The following SOCS4 variants were observed in gnomAD, a reference collection of about 807,000 sequenced individuals.
SOCS4 encodes the protein suppressor of cytokine signaling 4.
A neutral mutation model predicts 34.1 loss-of-function variants in SOCS4; 20 were observed. That is an observed-to-expected ratio of 0.59 (90% CI 0.41 to 0.85). The LOEUF is 0.85. SOCS4 is among the 40% of genes least tolerant of loss of function. The pLI, the probability that SOCS4 is intolerant of heterozygous loss-of-function variation, is 0.00. For missense variants in SOCS4, 479 were observed against 532.4 expected (o/e 0.90, Z 0.99); for synonymous variants, 180 against 186.4 (o/e 0.97, Z 0.28).
chr14:55,028,856 A>G (rs1432250233), intron 1 of SOCS4, among the ~76,000 whole-genome samples: 1 of 152,196 alleles, frequency 6.6e-6, no homozygotes, highest in Non-Finnish European at 1.5e-5. Flanking sequence ...TTTACTGAAA[A>G]TCGAATTCCT....
rs921553987 is a variant in SOCS4 at position 55,047,883 on chromosome 14, C to T, written c.*3519C>T. 2.4e-5 allele frequency: 4 copies of T among 167,206 alleles called. No individual in the cohort carries two copies. Among genetic ancestry groups the T allele is most frequent in the South Asian group, 4.1e-4 (2 of 4,832 alleles). The allele number at this position is 167,206 out of a possible 1,614,324, so 10.4% of individuals were successfully genotyped here. A position where few individuals can be genotyped will look rare whatever the true frequency, so the allele number is the denominator to read the frequency against. Reference sequence around the variant, plus strand: ...AAGTTTGGATCATTTTATAGATCCACGCAATAGAGAGCTTCCTTCCTATGA... The same window carrying T: ...AAGTTTGGATCATTTTATAGATCCATGCAATAGAGAGCTTCCTTCCTATGA... On this transcript the variant is annotated 3_prime_UTR_variant, in exon 3 of 3. Coordinates refer to ENST00000555846, the MANE Select transcript of SOCS4 (RefSeq NM_199421.2).
intron 2 of SOCS4, among the ~76,000 whole-genome samples, chr14:55,039,280 T>A (rs1052036183): frequency 6.6e-6 from 1 of 151,862 alleles, no homozygotes; most frequent in Non-Finnish European, 1.5e-5. Context: ...TACAAAAAAA[T>A]TTTAAAAATT....
intron 2 of SOCS4, among the ~76,000 whole-genome samples, chr14:55,037,964 T>A (rs551247686): frequency 7.2e-4 from 109 of 152,334 alleles, no homozygotes; most frequent in African/African-American, 2.5e-3. Flanking sequence ...CTTATATTAG[T>A]CTGTTCTCAT....
intron 1 of SOCS4, among the ~76,000 whole-genome samples, chr14:55,030,660 A>G (rs1037531200): frequency 1.3e-5 from 2 of 152,176 alleles, no homozygotes; most frequent in African/African-American, 4.8e-5. Flanking sequence ...TGTTGTTTTC[A>G]TACCTTTTAC....
In SOCS4 at chr14:55,045,943, T is replaced by C. The variant is rs1370422973; in HGVS notation, c.*1579T>C. On this transcript the variant is annotated 3_prime_UTR_variant, in exon 3 of 3. Transcript: ENST00000555846. The stretch of plus-strand genomic sequence containing the variant: ...TCTTGCAGTTCTGTTAACATGAAAA[T>C]GGCATTTTTCCATAATAGCTTTAAA... The C allele has an allele frequency of 6.0e-6, 1 of 166,918 alleles. No homozygotes were observed. The highest frequency in any genetic ancestry group is 2.4e-5 in the African/African-American group (1 of 41,456). 10.3% of individuals were successfully genotyped at this position (166,918 alleles called of 1,614,324 possible). A position where few individuals can be genotyped will look rare whatever the true frequency, so the allele number is the denominator to read the frequency against.
chr14:55,043,929 C>T lies in SOCS4; in HGVS notation c.888C>T (p.Ala296=), dbSNP rs775035719. The T allele has an allele frequency of 4.0e-5, 64 of 1,613,962 alleles. No individual in the cohort carries two copies. The highest frequency in any genetic ancestry group is 2.9e-4 in the South Asian group (26 of 91,082). ...CYWGVMDKYA[A]EALLEGKPEG... ...GGGGAGTGATGGATAAATACGCAGCCGAAGCACTACTGGAAGGAAAACCAG... is the reference window on the plus strand; with the variant it reads ...GGGGAGTGATGGATAAATACGCAGCTGAAGCACTACTGGAAGGAAAACCAG... The change falls in exon 3 of 3, where the codon GCC becomes GCT. Residue 296 remains alanine, a synonymous_variant. Transcript: ENST00000555846.
In SOCS4 at chr14:55,043,189, G is replaced by A; in HGVS notation, c.148G>A (p.Glu50Lys). 1 of 1,614,242 alleles carries A rather than the reference G, an allele frequency of 6.2e-7. No individual in the cohort carries two copies. The highest frequency in any genetic ancestry group is 8.5e-7 in the Non-Finnish European group (1 of 1,180,046). ...SKKSESYSDA[E>K]TVNGIEKTEV... ...AAAGAGTGAGAGTTATTCAGATGCT[G>A]AGACAGTGAATGGTATAGAGAAAAC... Residue 50 changes from glutamate to lysine, a missense_variant, in exon 3 of 3, where the codon GAG (glutamate) becomes AAG (lysine). Physicochemically the swap from Glu to Lys is moderately conservative, Grantham distance 56 (BLOSUM62 1). Coordinates refer to ENST00000555846, the MANE Select transcript of SOCS4 (RefSeq NM_199421.2).
At chr14:55,037,743 C>T (rs1407317198) in intron 2 of SOCS4, among the ~76,000 whole-genome samples, 1 of 151,668 alleles carries the variant, frequency 6.6e-6, no homozygotes, top group African/African-American at 2.4e-5. Flanking sequence ...ATCCTCCCGC[C>T]TCGGCCTCCC....
rs1178467997 is a variant in SOCS4 at position 55,045,547 on chromosome 14, A to T, written c.*1183A>T. 6.0e-6 allele frequency: 1 copy of T among 166,962 alleles called. No individual in the cohort carries two copies. The highest frequency in any genetic ancestry group is 1.5e-5 in the Non-Finnish European group (1 of 68,044). The allele number at this position is 166,962 out of a possible 1,614,324, so 10.3% of individuals were successfully genotyped here. A position where few individuals can be genotyped will look rare whatever the true frequency, so the allele number is the denominator to read the frequency against. On this transcript the variant is annotated 3_prime_UTR_variant, in exon 3 of 3. Transcript: ENST00000555846. ...AAGAAAGCCTTTTGACAGCTACATG[A>T]CTTACACCATACAGAACAGTACTGG...
In SOCS4 at chr14:55,043,103, G is replaced by A. The variant is rs779813962; in HGVS notation, c.62G>A (p.Ser21Asn). Reference protein sequence around the residue: ...NVDVRPKTSRSRSADRKDGYV... With the variant: ...NVDVRPKTSRNRSADRKDGYV... ...GATGTAAGGCCCAAAACTAGTCGGAGCAGAAGTGCCGACAGAAAAGACGGT... is the reference window on the plus strand; with the variant it reads ...GATGTAAGGCCCAAAACTAGTCGGAACAGAAGTGCCGACAGAAAAGACGGT... Residue 21 changes from serine (S) to asparagine (N), a missense_variant, in exon 3 of 3, where the codon AGC becomes AAC. By Grantham distance (46) the Ser-to-Asn change is conservative. Transcript: ENST00000555846. 1.9e-6 allele frequency: 3 copies of A among 1,613,960 alleles called. No individual in the cohort carries two copies. The highest frequency in any genetic ancestry group is 3.3e-5 in the Admixed American group (2 of 60,012).
chr14:55,040,654 G>A (rs1327905424), intron 2 of SOCS4, among the ~76,000 whole-genome samples: 1 of 151,916 alleles, frequency 6.6e-6, no homozygotes, highest in Non-Finnish European at 1.5e-5. Flanking sequence ...TGAGGCAGGA[G>A]AATGGCATGT....
intron 2 of SOCS4, among the ~76,000 whole-genome samples, chr14:55,032,715 C>G (rs1303533559): frequency 6.6e-6 from 1 of 152,160 alleles, no homozygotes; most frequent in African/African-American, 2.4e-5. Flanking sequence ...ATCTTTCAAA[C>G]CATCATCTTT....
chr14:55,044,459 G>A lies in SOCS4; in HGVS notation c.*95G>A. 1 of 943,680 alleles carries A rather than the reference G, an allele frequency of 1.1e-6. No homozygotes were observed. 58.5% of individuals were successfully genotyped at this position (943,680 alleles called of 1,614,324 possible). ...CACTTTGGATTTTTCTACAAAGGCA[G>A]TGGTGTCCAAAATAAAATCTCTGCC... On this transcript the variant is annotated 3_prime_UTR_variant, in exon 3 of 3. Coordinates refer to ENST00000555846, the MANE Select transcript of SOCS4 (RefSeq NM_199421.2).
Position 55,044,229 on chromosome 14 carries a change from T to C in SOCS4, c.1188T>C (p.Val396=). 6.2e-7 allele frequency: 1 copy of C among 1,614,088 alleles called. No homozygotes were observed. The change falls in exon 3 of 3, where the codon GTT becomes GTC. Residue 396 remains valine, a synonymous_variant. Coordinates refer to ENST00000555846, the MANE Select transcript of SOCS4 (RefSeq NM_199421.2). The part of the protein sequence containing the change: ...PFSLQHICRT[V]ICNCTTYDGI... Reference sequence around the variant, plus strand: ...CCCTGCAGCATATATGCAGAACAGTTATTTGTAACTGTACAACTTATGATG... The same window carrying C: ...CCCTGCAGCATATATGCAGAACAGTCATTTGTAACTGTACAACTTATGATG...
intron 2 of SOCS4, among the ~76,000 whole-genome samples, chr14:55,034,525 A>G (rs970368719): frequency 3.3e-5 from 5 of 152,160 alleles, no homozygotes; most frequent in African/African-American, 1.2e-4. Flanking sequence ...GATAGATACA[A>G]AACAGTAACT....
intron 2 of SOCS4, among the ~76,000 whole-genome samples, chr14:55,037,949 A>G (rs2042587633): frequency 1.3e-5 from 2 of 152,202 alleles, no homozygotes; most frequent in Admixed American, 6.5e-5. Flanking sequence ...GCTTTCCTCA[A>G]AAGTCTTATA....
intron 2 of SOCS4, among the ~76,000 whole-genome samples, chr14:55,042,170 G>A (rs1353728610): frequency 2.0e-5 from 3 of 152,120 alleles, no homozygotes; most frequent in Non-Finnish European, 2.9e-5. Context: ...ATGAAACTCG[G>A]TATTTTACAT....
chr14:55,030,146 C>T (rs1359909651), intron 1 of SOCS4, among the ~76,000 whole-genome samples: 7 of 152,234 alleles, frequency 4.6e-5, no homozygotes, highest in Admixed American at 2.6e-4. Context: ...ATAGCTGTTG[C>T]CACAAAACTT....
chr14:55,040,070 ACT>A (rs2042604233), intron 2 of SOCS4, among the ~76,000 whole-genome samples: 2 of 151,998 alleles, frequency 1.3e-5, no homozygotes, highest in South Asian at 2.1e-4. Context: ...TTAATAAATG[ACT>A]CTTCATATTC....
Sources: allele counts gnomAD v4.1 joint callset (sites outside exome capture counted in the v4.1 genomes callset), GRCh38; gene constraint gnomAD v4.1.1; transcripts MANE v1.5; gene names NCBI Gene and HGNC (gene_info 2026-07-23, HGNC 2026-07-21).